SUCLG2: variants seen among roughly 807,000 people sequenced by gnomAD.
The protein encoded by SUCLG2 is succinate-CoA ligase GDP-forming subunit beta, also known as succinate--CoA ligase [GDP-forming] subunit beta, mitochondrial.
A neutral mutation model predicts 47.9 loss-of-function variants in SUCLG2; 42 were observed. That is an observed-to-expected ratio of 0.88 (90% CI 0.69 to 1.14). The LOEUF is 1.14. Among genes scored for constraint, SUCLG2 ranks in the 50% most tolerant of loss-of-function variants. SUCLG2 has a pLI of 0.00. For missense variants in SUCLG2, 571 were observed against 525.9 expected (o/e 1.09, Z -0.84); for synonymous variants, 195 against 197.3 (o/e 0.99, Z 0.10).
chr3:67,642,628 A>G (rs1701121007), intron 1 of SUCLG2, among the ~76,000 whole-genome samples: 1 of 152,244 alleles, frequency 6.6e-6, no homozygotes, highest in East Asian at 1.9e-4. Flanking sequence ...ATAAATAAGT[A>G]AAGAAAATAA....
At chr3:67,503,471 G>A (rs953532809) in intron 7 of SUCLG2, among the ~76,000 whole-genome samples, 8 of 152,186 alleles carry the variant, frequency 5.3e-5, no homozygotes, top group African/African-American at 1.9e-4. Context: ...TGTTAAAAAT[G>A]GATTGATGTC....
chr3:67,602,374 G>A (rs982243030), intron 2 of SUCLG2, among the ~76,000 whole-genome samples: 24 of 152,136 alleles, frequency 1.6e-4, no homozygotes, highest in Admixed American at 7.9e-4. Context: ...CTGAAAGGAA[G>A]CTACATGTAC....
chr3:67,553,918 A>C (rs774876207), intron 2 of SUCLG2, among the ~76,000 whole-genome samples: 6 of 152,238 alleles, frequency 3.9e-5, no homozygotes, highest in Non-Finnish European at 7.3e-5. Flanking sequence ...GCAGATTACT[A>C]ATAATTGATA....
intron 9 of SUCLG2, among the ~76,000 whole-genome samples, chr3:67,434,652 G>A (rs1228908749): frequency 5.3e-5 from 8 of 152,222 alleles, no homozygotes; most frequent in Non-Finnish European, 1.2e-4. Flanking sequence ...AAGGCCAGCA[G>A]TAATATTTTA....
chr3:67,616,817 ACTC>A (rs1236354575), intron 1 of SUCLG2, among the ~76,000 whole-genome samples: 1 of 151,876 alleles, frequency 6.6e-6, no homozygotes, highest in Non-Finnish European at 1.5e-5. Context: ...TCTAATATAA[ACTC>A]CTGCTGTTAG....
At chr3:67,650,246 C>G (rs1701262844) in intron 1 of SUCLG2, among the ~76,000 whole-genome samples, 1 of 152,248 alleles carries the variant, frequency 6.6e-6, no homozygotes, top group Non-Finnish European at 1.5e-5. Context: ...CTGATAAGAA[C>G]TTGCCCATAA....
In SUCLG2 at chr3:67,395,801, C is replaced by T. The variant is rs1289875942; in HGVS notation, c.1183+4930G>A. The stretch of plus-strand genomic sequence containing the variant: ...GCTCTCCTCAGCTAAAGTAAAAGAA[C>T]AGAAATTATAACAAACTGTCTCTCA... On this transcript the variant is annotated intron_variant, in intron 10 of 10. Transcript: ENST00000307227. 2.0e-5 allele frequency among the ~76,000 whole-genome samples: 3 copies of T among 152,040 alleles called. No homozygotes were observed. The East Asian group carries it at 5.8e-4, about 29-fold the overall frequency.
At chr3:67,387,136 G>A (rs17046376) in intron 10 of SUCLG2, among the ~76,000 whole-genome samples, 3,936 of 152,218 alleles carry the variant, frequency 0.026, 166 homozygotes, top group African/African-American at 0.09. Flanking sequence ...AGTCAGCAAA[G>A]CCTAATATGA....
At chr3:67,591,637 C>T (rs1708168459) in intron 2 of SUCLG2, among the ~76,000 whole-genome samples, 1 of 152,172 alleles carries the variant, frequency 6.6e-6, no homozygotes, top group South Asian at 2.1e-4. Flanking sequence ...TCACCTCCAG[C>T]CATGTTTCTG....
intron 2 of SUCLG2, among the ~76,000 whole-genome samples, chr3:67,553,233 T>C (rs1707064644): frequency 6.6e-6 from 1 of 152,196 alleles, no homozygotes; most frequent in Non-Finnish European, 1.5e-5. Context: ...ATCCAGCCCC[T>C]GTGAAGACAG....
intron 9 of SUCLG2, among the ~76,000 whole-genome samples, chr3:67,475,467 A>G (rs1704725558): frequency 6.6e-6 from 1 of 152,212 alleles, no homozygotes; most frequent in Non-Finnish European, 1.5e-5. Context: ...TCAAGGGGAC[A>G]GCCTCTAAGG....
intron 9 of SUCLG2, 127 bp from the exon 10 acceptor site, chr3:67,400,978 C>T: frequency 7.5e-7 from 1 of 1,341,284 alleles, no homozygotes; most frequent in Non-Finnish European, 1.0e-6. Flanking sequence ...TTATACAGAG[C>T]ATAAAATACA....
intron 9 of SUCLG2, among the ~76,000 whole-genome samples, chr3:67,478,129 C>T (rs1704815444): frequency 6.6e-6 from 1 of 152,204 alleles, no homozygotes; most frequent in Non-Finnish European, 1.5e-5. Flanking sequence ...AATCCCTTCT[C>T]TTATCAGCTA....
chr3:67,439,265 T>C (rs963262306), intron 9 of SUCLG2, among the ~76,000 whole-genome samples: 2 of 152,096 alleles, frequency 1.3e-5, no homozygotes, highest in Non-Finnish European at 1.5e-5. Flanking sequence ...TTTATGACAA[T>C]CCCACAGACA....
intron 10 of SUCLG2, among the ~76,000 whole-genome samples, chr3:67,394,192 GAGA>G (rs1323438755): frequency 1.3e-5 from 2 of 152,200 alleles, no homozygotes; most frequent in Admixed American, 1.3e-4. Context: ...GACGAGTTGA[GAGA>G]AGAAGGATTC....
At chr3:67,580,170 C>T (rs753143338) in intron 2 of SUCLG2, among the ~76,000 whole-genome samples, 4 of 151,928 alleles carry the variant, frequency 2.6e-5, no homozygotes, top group East Asian at 1.9e-4. Flanking sequence ...AAGAATACAA[C>T]GTAAAAATCC....
chr3:67,569,156 A>T (rs1299870980), intron 2 of SUCLG2, among the ~76,000 whole-genome samples: 1 of 152,238 alleles, frequency 6.6e-6, no homozygotes, highest in Non-Finnish European at 1.5e-5. Flanking sequence ...TCATTAACTC[A>T]GTAATTTCCT....
intron 4 of SUCLG2, among the ~76,000 whole-genome samples, chr3:67,521,835 G>C (rs1262089847): frequency 6.6e-6 from 1 of 151,772 alleles, no homozygotes; most frequent in East Asian, 1.9e-4. Context: ...GGCCAGGCTG[G>C]TCTTGAACTG....
intron 9 of SUCLG2, among the ~76,000 whole-genome samples, chr3:67,403,216 T>TA (rs1702726482): frequency 6.6e-6 from 1 of 152,224 alleles, no homozygotes; most frequent in African/African-American, 2.4e-5. Context: ...CTGGTTTTGT[T>TA]AGACTTACTG....
Sources: gnomAD v4.1 joint callset for allele counts (sites outside exome capture counted in the v4.1 genomes callset) on GRCh38, gnomAD v4.1.1 for gene constraint, MANE v1.5 for transcripts, NCBI Gene and HGNC (gene_info 2026-07-23, HGNC 2026-07-21) for gene names.